ANKRD11: variants seen among roughly 807,000 people sequenced by gnomAD.
ANKRD11 encodes the protein ankyrin repeat domain 11, also known as ankyrin repeat domain-containing protein 11.
In ANKRD11, 17 loss-of-function variants were observed where a neutral mutation model predicts 195.7. The observed-to-expected ratio is 0.09, with a 90% CI of 0.06 to 0.13. The LOEUF (loss-of-function observed/expected upper bound fraction) is 0.13. Among genes scored for constraint, ANKRD11 ranks in the 10% least tolerant of loss-of-function variants. ANKRD11 has a pLI of 1.00. For synonymous variants in ANKRD11, 1,953 were observed against 1,528.1 expected, an observed-to-expected ratio of 1.28 and a Z score of -6.49; for missense variants, 3,735 against 3,566.1, an observed-to-expected ratio of 1.05 and a Z score of -1.21.
At chr16:89,411,967 C>G (rs2042126826) in intron 2 of ANKRD11, among the ~76,000 whole-genome samples, 1 of 136,846 alleles carries the variant, frequency 7.3e-6, no homozygotes, top group Non-Finnish European at 1.6e-5. Context: ...TCCCTCCCCT[C>G]AGCCAGGTAC....
At position 89,418,358 on chromosome 16, in the gene ANKRD11, C is replaced by A. The variant is rs2042383948; in HGVS notation, c.-134G>T. On this transcript the variant is annotated 5_prime_UTR_variant, in exon 2 of 13. Transcript: ENST00000301030. ...AATGGAGGTGTGTCCCAGAGCAGGG[C>A]TGTATATATTCTGAAACAAGAGAGT... 3 of 449,626 alleles carry A rather than the reference C, an allele frequency of 6.7e-6. No homozygotes were observed. The highest frequency in any genetic ancestry group is 2.0e-5 in the African/African-American group (1 of 49,898). 27.9% of individuals were successfully genotyped at this position (449,626 alleles called of 1,614,324 possible).
At chr16:89,278,184 C>A in intron 9 of ANKRD11, 1 of 308,758 alleles carries the variant, frequency 3.2e-6, no homozygotes, top group Non-Finnish European at 6.3e-6. Context: ...TGGATGGACC[C>A]TGGGGGGCCT....
At chr16:89,343,148 C>G (rs911361239) in intron 2 of ANKRD11, among the ~76,000 whole-genome samples, 3 of 152,076 alleles carry the variant, frequency 2.0e-5, no homozygotes, top group African/African-American at 7.2e-5. Context: ...GCCACCACGC[C>G]TGGCTCATGT....
intron 6 of ANKRD11, among the ~76,000 whole-genome samples, chr16:89,289,418 G>C (rs2034878803): frequency 6.6e-6 from 1 of 152,212 alleles, no homozygotes; most frequent in Non-Finnish European, 1.5e-5. Context: ...ACAGTCCTGG[G>C]ATATGTGGAC....
At chr16:89,337,456 T>TTTTTTTTTTTA (rs1597698668) in intron 2 of ANKRD11, among the ~76,000 whole-genome samples, 2 of 142,010 alleles carry the variant, frequency 1.4e-5, no homozygotes, top group Non-Finnish European at 1.5e-5. Context: ...TTTTTTTTTT[T>TTTTTTTTTTTA]GAGACAGTCT....
chr16:89,355,592 C>T (rs2039435054), intron 2 of ANKRD11, among the ~76,000 whole-genome samples: 1 of 152,114 alleles, frequency 6.6e-6, no homozygotes, highest in African/African-American at 2.4e-5. Context: ...TCACAACCAA[C>T]TCAAAAATAG....
intron 1 of ANKRD11, among the ~76,000 whole-genome samples, chr16:89,430,776 A>G (rs2042944358): frequency 6.6e-6 from 1 of 152,202 alleles, no homozygotes; most frequent in Non-Finnish European, 1.5e-5. Flanking sequence ...AACAAAAGAA[A>G]CATCACCAAA....
At chr16:89,461,235 A>C (rs2056656527) in intron 1 of ANKRD11, among the ~76,000 whole-genome samples, 2 of 143,706 alleles carry the variant, frequency 1.4e-5, no homozygotes, top group Admixed American at 1.4e-4. Flanking sequence ...TCATAAGAGA[A>C]AGCAGATTGG....
chr16:89,457,865 G>A (rs533660213), intron 1 of ANKRD11, among the ~76,000 whole-genome samples: 1 of 152,262 alleles, frequency 6.6e-6, no homozygotes, highest in Admixed American at 6.5e-5. Flanking sequence ...CCAGGTACAT[G>A]TGAAACACAC....
At chr16:89,376,620 C>G (rs970119539) in intron 2 of ANKRD11, among the ~76,000 whole-genome samples, 5 of 151,992 alleles carry the variant, frequency 3.3e-5, no homozygotes. Context: ...GTATTTTTAG[C>G]AGAGACGAGG....
At position 89,281,433 on chromosome 16, in the gene ANKRD11, C is replaced by T. The variant is rs369357756; in HGVS notation, c.5109G>A (p.Val1703=). The change falls in exon 9 of 13, where the codon GTG becomes GTA. Residue 1703 remains valine (V), a synonymous_variant. Transcript: ENST00000301030. This position sits in a 1 kb window ranked among gnomAD's most constrained non-coding sequence, Gnocchi z 5.5. The part of the protein sequence containing the change: ...PRPDQSRPTG[V]PTPTSVLSCP... ...AGGATAGCACCGACGTAGGGGTGGG[C>T]ACGCCAGTGGGCCGGCTCTGGTCAG... 1.2e-5 allele frequency: 20 copies of T among 1,612,830 alleles called. No homozygotes were observed. In the African/African-American group the frequency reaches 2.5e-4, roughly 20 times the overall value.
At chr16:89,437,382 G>T (rs1161007910) in intron 1 of ANKRD11, among the ~76,000 whole-genome samples, 3 of 152,160 alleles carry the variant, frequency 2.0e-5, no homozygotes, top group African/African-American at 7.2e-5. Flanking sequence ...CCAAACCAGT[G>T]CAGCAAACAG....
At position 89,291,347 on chromosome 16, in the gene ANKRD11, T is replaced by C. The variant is rs1485016603; in HGVS notation, c.227-164A>G. Reference sequence around the variant, plus strand: ...GGAAAGCACAGCGGTGCTGGGAGCATTGGTGCCGCCCACCTCACCTCTCAG... The same window carrying C: ...GGAAAGCACAGCGGTGCTGGGAGCACTGGTGCCGCCCACCTCACCTCTCAG... On this transcript the variant is annotated intron_variant, in intron 4 of 12. Transcript: ENST00000301030. The surrounding 1 kb of genome is among the most constrained non-coding windows in gnomAD (Gnocchi z 5.3). Among the ~76,000 whole-genome samples the C allele has an allele frequency of 6.6e-6, 1 of 152,032 alleles. No homozygotes were observed. Among genetic ancestry groups the C allele is most frequent in the Non-Finnish European group, 1.5e-5 (1 of 67,982 alleles).
At chr16:89,294,406 A>C (rs1289355947) in intron 4 of ANKRD11, among the ~76,000 whole-genome samples, 2 of 152,158 alleles carry the variant, frequency 1.3e-5, no homozygotes, top group Non-Finnish European at 2.9e-5. Flanking sequence ...AAAAAGTCCA[A>C]TATGAAACCA....
chr16:89,308,361 G>C (rs1317954317), intron 3 of ANKRD11, among the ~76,000 whole-genome samples: 2 of 152,236 alleles, frequency 1.3e-5, no homozygotes, highest in African/African-American at 4.8e-5. Flanking sequence ...TGATGTGGGA[G>C]GAAAGCCCCA....
At chr16:89,338,010 C>G (rs2038460349) in intron 2 of ANKRD11, among the ~76,000 whole-genome samples, 1 of 152,216 alleles carries the variant, frequency 6.6e-6, no homozygotes, top group Admixed American at 6.5e-5. Context: ...CTGCCTCCCA[C>G]ATCAGCTGGT....
intron 1 of ANKRD11, among the ~76,000 whole-genome samples, chr16:89,432,319 C>T (rs1291292537): frequency 6.6e-6 from 1 of 151,948 alleles, no homozygotes; most frequent in Non-Finnish European, 1.5e-5. Flanking sequence ...AGCTTCCACT[C>T]CTACATGGGA....
chr16:89,271,954 G>A (rs1201201372), intron 11 of ANKRD11: 1 of 152,068 alleles, frequency 6.6e-6, no homozygotes, highest in African/African-American at 2.4e-5. Context: ...AGGGTGAAAA[G>A]ACACGCACAG....
chr16:89,367,959 G>A (rs537591685), intron 2 of ANKRD11, among the ~76,000 whole-genome samples: 1 of 151,374 alleles, frequency 6.6e-6, no homozygotes, highest in Admixed American at 6.5e-5. Flanking sequence ...AGCCATGACT[G>A]CACCACTGCA....
Sources: allele counts gnomAD v4.1 joint callset (sites outside exome capture counted in the v4.1 genomes callset), GRCh38; gene constraint gnomAD v4.1.1; non-coding constraint Gnocchi (gnomAD v3.1); transcripts MANE v1.5; gene names NCBI Gene and HGNC (gene_info 2026-07-23, HGNC 2026-07-21).